PACRG: variants seen among roughly 807,000 people sequenced by gnomAD.
PACRG encodes the protein parkin coregulated.
A neutral mutation model predicts 29.7 loss-of-function variants in PACRG; 29 were observed. The ratio of observed to expected loss-of-function variants is 0.98; its 90% CI spans 0.73 to 1.33. PACRG has a LOEUF of 1.33. Ranked by LOEUF, PACRG falls within the 40% of genes most tolerant of loss-of-function variation. The pLI is 0.00. For missense variants in PACRG, 279 were observed against 316.2 expected (o/e 0.88, Z 0.89); for synonymous variants, 116 against 118.7 (o/e 0.98, Z 0.15).
chr6:163,178,315 A>G (rs1441581036), intron 4 of PACRG, among the ~76,000 whole-genome samples: 2 of 152,192 alleles, frequency 1.3e-5, no homozygotes, highest in African/African-American at 2.4e-5. Context: ...TCGGCGTGGC[A>G]CGGACGTGCT....
At chr6:162,863,214 A>G (rs943472414) in intron 2 of PACRG, among the ~76,000 whole-genome samples, 2 of 152,174 alleles carry the variant, frequency 1.3e-5, no homozygotes, top group Non-Finnish European at 2.9e-5. Flanking sequence ...CTCTACTGGT[A>G]TTTGTTGAGC....
chr6:162,816,072 C>A (rs991138579), intron 2 of PACRG, among the ~76,000 whole-genome samples: 1 of 152,034 alleles, frequency 6.6e-6, no homozygotes, highest in Non-Finnish European at 1.5e-5. Flanking sequence ...GAATCATTTT[C>A]TTTATCTTTG....
intron 4 of PACRG, among the ~76,000 whole-genome samples, chr6:163,181,646 C>T (rs544656321): frequency 2.1e-4 from 31 of 150,132 alleles, no homozygotes; most frequent in African/African-American, 6.1e-4. Context: ...GACACATCTC[C>T]GGCCAACCCT....
At chr6:162,963,331 AG>A (rs1264428818) in intron 2 of PACRG, among the ~76,000 whole-genome samples, 3 of 152,096 alleles carry the variant, frequency 2.0e-5, no homozygotes, top group African/African-American at 7.2e-5. Flanking sequence ...CAAATATCAA[AG>A]TTTGGGATTT....
chr6:163,269,785 A>ACAGACAGACAGGAAGGAAGG (rs1562349142), intron 4 of PACRG, among the ~76,000 whole-genome samples: 1 of 93,798 alleles, frequency 1.1e-5, no homozygotes, highest in African/African-American at 4.0e-5. Flanking sequence ...AGACAGACAG[A>ACAGACAGACAGGAAGGAAGG]AAGAAAGAAA....
intron 1 of PACRG, among the ~76,000 whole-genome samples, chr6:162,755,597 G>A (rs534441713): frequency 3.9e-5 from 6 of 152,058 alleles, no homozygotes; most frequent in Non-Finnish European, 7.4e-5. Flanking sequence ...CACCATGCCC[G>A]GCTAATTTTT....
intron 2 of PACRG, among the ~76,000 whole-genome samples, chr6:162,870,139 T>A (rs2075425211): frequency 6.6e-6 from 1 of 152,206 alleles, no homozygotes. Context: ...TGACTGTCAC[T>A]CTATTCACTA....
intron 4 of PACRG, among the ~76,000 whole-genome samples, chr6:163,200,614 A>G (rs556225034): frequency 6.6e-6 from 1 of 152,328 alleles, no homozygotes; most frequent in East Asian, 1.9e-4. Context: ...GACTGCACCG[A>G]GAGTCTTTTC....
chr6:163,227,389 C>T (rs1781848394), intron 4 of PACRG, among the ~76,000 whole-genome samples: 1 of 152,208 alleles, frequency 6.6e-6, no homozygotes, highest in Non-Finnish European at 1.5e-5. Flanking sequence ...CCAAAGCACA[C>T]CTCCCACCAG....
At chr6:162,786,088 C>G (rs1784446802) in intron 1 of PACRG, among the ~76,000 whole-genome samples, 1 of 152,212 alleles carries the variant, frequency 6.6e-6, no homozygotes, top group Non-Finnish European at 1.5e-5. Flanking sequence ...TTGTCCTGTT[C>G]CACCATAGTG....
In PACRG at chr6:163,174,301, G is replaced by T. The variant is rs115318077; in HGVS notation, c.613+84893G>T. Among the ~76,000 whole-genome samples the T allele has an allele frequency of 8.2e-3, 1,254 of 152,302 alleles. 15 individuals are homozygous for T. Among genetic ancestry groups the T allele is most frequent in the African/African-American group, 0.029 (1,213 of 41,556 alleles). ...TGGGCCACATTCAAAGCCATCCTGG[G>T]CTGTATGCAGCCCATGGGCTGTGGG... On this transcript the variant is annotated intron_variant, in intron 4 of 4. Transcript: ENST00000366888.
chr6:162,999,350 C>T (rs538669903), intron 2 of PACRG, among the ~76,000 whole-genome samples: 1 of 152,136 alleles, frequency 6.6e-6, no homozygotes, highest in African/African-American at 2.4e-5. Context: ...TTTAACTTAC[C>T]TTTGCTAATT....
At chr6:162,907,826 T>C (rs1796035997) in intron 2 of PACRG, among the ~76,000 whole-genome samples, 1 of 152,180 alleles carries the variant, frequency 6.6e-6, no homozygotes, top group South Asian at 2.1e-4. Context: ...CATAGCAAAC[T>C]AGTGATTTGA....
In PACRG at chr6:162,951,279, C is replaced by A. The variant is rs139165592; in HGVS notation, c.292-110871C>A. Reference sequence around the variant, plus strand: ...AGGTTTTCTATCAAGTCTATTTATGCAAATGAAAGATTGAAACTCGCTTAG... The same window carrying A: ...AGGTTTTCTATCAAGTCTATTTATGAAAATGAAAGATTGAAACTCGCTTAG... On this transcript the variant is annotated intron_variant, in intron 2 of 4. Coordinates refer to ENST00000366888, the MANE Select transcript of PACRG (RefSeq NM_001080379.2). 1.1e-4 allele frequency among the ~76,000 whole-genome samples: 16 copies of A among 152,276 alleles called. No homozygotes were observed. In the East Asian group the frequency reaches 2.9e-3, roughly 28 times the overall value.
chr6:163,038,438 C>T (rs1049261239), intron 2 of PACRG, among the ~76,000 whole-genome samples: 13 of 152,104 alleles, frequency 8.5e-5, no homozygotes, highest in Admixed American at 7.9e-4. Flanking sequence ...TGAGGATAGA[C>T]CCTGCACACA....
intron 2 of PACRG, among the ~76,000 whole-genome samples, chr6:162,995,389 C>T (rs1330046332): frequency 7.9e-5 from 12 of 151,994 alleles, no homozygotes; most frequent in Admixed American, 2.0e-4. Context: ...TAGCAATCAG[C>T]GAGATTCCAT....
chr6:163,202,467 G>A (rs551000617), intron 4 of PACRG, among the ~76,000 whole-genome samples: 43 of 152,154 alleles, frequency 2.8e-4, no homozygotes, highest in African/African-American at 9.2e-4. Flanking sequence ...GTATGTGTGC[G>A]TGTATATGTG....
intron 1 of PACRG, among the ~76,000 whole-genome samples, chr6:162,751,537 T>A (rs1476590724): frequency 6.6e-6 from 1 of 152,146 alleles, no homozygotes; most frequent in Non-Finnish European, 1.5e-5. Context: ...CAAGTTTACA[T>A]TCAGTTGGAA....
chr6:163,197,326 GA>G (rs1780500436), intron 4 of PACRG, among the ~76,000 whole-genome samples: 1 of 150,666 alleles, frequency 6.6e-6, no homozygotes, highest in Non-Finnish European at 1.5e-5. Context: ...TATAAAGGAA[GA>G]AAAAAGAAAT....
Sources: gnomAD v4.1 joint callset for allele counts (sites outside exome capture counted in the v4.1 genomes callset) on GRCh38, gnomAD v4.1.1 for gene constraint, MANE v1.5 for transcripts, NCBI Gene and HGNC (gene_info 2026-07-23, HGNC 2026-07-21) for gene names.